Variants in OPRM1 observed in about 807,000 individuals in gnomAD.
OPRM1 encodes the protein mu-type opioid receptor.
A neutral mutation model predicts 31.8 loss-of-function variants in OPRM1; 27 were observed. The ratio of observed to expected loss-of-function variants is 0.85; its 90% CI spans 0.63 to 1.17. The LOEUF (loss-of-function observed/expected upper bound fraction) is 1.17, where lower values mean the gene tolerates loss of function less well. Among genes scored for constraint, OPRM1 ranks in the 50% most tolerant of loss-of-function variants. The pLI, the probability that OPRM1 is intolerant of heterozygous loss-of-function variation, is 0.00. For synonymous variants in OPRM1, 196 were observed against 189.9 expected (o/e 1.03, Z -0.26); for missense variants, 536 against 511.1 (o/e 1.05, Z -0.47).
chr6:154,195,410 G>T (rs1475461131), intron 3 of OPRM1, among the ~76,000 whole-genome samples: 2 of 152,038 alleles, frequency 1.3e-5, no homozygotes, highest in African/African-American at 2.4e-5. Flanking sequence ...GCCTCCCAAA[G>T]TGCTGGGATT....
At chr6:154,065,716 T>A (rs537133973) in intron 1 of OPRM1, among the ~76,000 whole-genome samples, 3 of 152,160 alleles carry the variant, frequency 2.0e-5, no homozygotes, top group African/African-American at 4.8e-5. Flanking sequence ...TGCAAACATA[T>A]TCATTTTACT....
chr6:154,114,936 T>G (rs1796712655), intron 3 of OPRM1, among the ~76,000 whole-genome samples: 1 of 151,610 alleles, frequency 6.6e-6, no homozygotes, highest in South Asian at 2.1e-4. Flanking sequence ...CAGTTGTGCA[T>G]GCATCCTTCT....
intron 3 of OPRM1, among the ~76,000 whole-genome samples, chr6:154,187,384 C>T (rs1365983716): frequency 6.6e-6 from 1 of 152,172 alleles, no homozygotes; most frequent in East Asian, 1.9e-4. Flanking sequence ...AGTGTTAGCT[C>T]TGTAGGGCTG....
rs540020815 is a variant in OPRM1, at chr6:154,180,953, G to A, written c.1165-65740G>A. Among the ~76,000 whole-genome samples the A allele has an allele frequency of 5.8e-3, 881 of 152,226 alleles. 11 individuals carry two copies. Among genetic ancestry groups the A allele is most frequent in the African/African-American group, 0.02 (851 of 41,516 alleles). ...CTAAGTGCCTGAGAAAGAAAAGACCGTGGAAGGCACTTGTCACCAAGAGAA... is the reference window on the plus strand; with the variant it reads ...CTAAGTGCCTGAGAAAGAAAAGACCATGGAAGGCACTTGTCACCAAGAGAA... On this transcript the variant is annotated intron_variant, in intron 3 of 3. Coordinates refer to the OPRM1 transcript ENST00000337049.
In OPRM1 at chr6:154,149,694, T is replaced by G. The variant is rs148335903; in HGVS notation, c.1164+58222T>G. ...ATATCTTGTCTTTAGAAATGCCACATTCTATTATTCTATTAGCAATCTCCC... is the reference window on the plus strand; with the variant it reads ...ATATCTTGTCTTTAGAAATGCCACAGTCTATTATTCTATTAGCAATCTCCC... On this transcript the variant is annotated intron_variant, in intron 3 of 3. Transcript: ENST00000337049. Among the ~76,000 whole-genome samples, 344 of 151,922 alleles carry G rather than the reference T, an allele frequency of 2.3e-3. 2 individuals carry two copies. The highest frequency in any genetic ancestry group is 8.1e-3 in the African/African-American group (334 of 41,442).
chr6:154,195,436 C>T lies in OPRM1; in HGVS notation c.1165-51257C>T, dbSNP rs570802737. On this transcript the variant is annotated intron_variant, in intron 3 of 3. Coordinates refer to the OPRM1 transcript ENST00000337049. ...TGCTGGGATTACAGGTGTGAGCCAC[C>T]GTGCCTGGCCCAGCTACAATAATTT... is the stretch of plus-strand genomic sequence containing the variant. Among the ~76,000 whole-genome samples the T allele has an allele frequency of 1.3e-4, 20 of 152,224 alleles. No homozygotes were observed. The South Asian group carries it at 4.2e-3, about 32-fold the overall frequency.
At chr6:154,177,888 C>T (rs1252565165) in intron 3 of OPRM1, among the ~76,000 whole-genome samples, 3 of 152,138 alleles carry the variant, frequency 2.0e-5, no homozygotes, top group Non-Finnish European at 4.4e-5. Context: ...TGTAACCAAC[C>T]CAAATGTCCA....
At chr6:154,077,186 T>C (rs1192936959) in intron 1 of OPRM1, among the ~76,000 whole-genome samples, 1 of 152,116 alleles carries the variant, frequency 6.6e-6, no homozygotes, top group Non-Finnish European at 1.5e-5. Context: ...CATACTCTAT[T>C]TTCCCTGCTT....
intron 3 of OPRM1, among the ~76,000 whole-genome samples, chr6:154,189,411 G>A (rs1273168622): frequency 6.6e-6 from 1 of 151,874 alleles, no homozygotes; most frequent in East Asian, 1.9e-4. Flanking sequence ...AGGCATATGT[G>A]GACCAAAATA....
chr6:154,037,759 G>A (rs1378175431), upstream of OPRM1, among the ~76,000 whole-genome samples: 3 of 152,042 alleles, frequency 2.0e-5, no homozygotes, highest in Admixed American at 6.5e-5. Flanking sequence ...CCTTTTTTAA[G>A]TAATGAGAAG....
At chr6:154,045,735 G>A (rs1196535254) in intron 1 of OPRM1, among the ~76,000 whole-genome samples, 7 of 152,288 alleles carry the variant, frequency 4.6e-5, no homozygotes, top group Middle Eastern at 3.4e-3. Context: ...CTGCCCTAGG[G>A]CTTCTCTACT....
At chr6:154,187,709 T>A (rs911293568) in intron 3 of OPRM1, among the ~76,000 whole-genome samples, 1 of 152,234 alleles carries the variant, frequency 6.6e-6, no homozygotes, top group Non-Finnish European at 1.5e-5. Flanking sequence ...TTAAGGCGAT[T>A]AGAATCTCAG....
At chr6:154,113,051 A>T (rs1483236624) in intron 3 of OPRM1, among the ~76,000 whole-genome samples, 1 of 152,218 alleles carries the variant, frequency 6.6e-6, no homozygotes, top group African/African-American at 2.4e-5. Flanking sequence ...TATTAATCCA[A>T]ACAAAACAGG....
At chr6:154,223,036 A>T in intron 3 of OPRM1, 1 of 730,588 alleles carries the variant, frequency 1.4e-6, no homozygotes, top group Non-Finnish European at 2.4e-6. Context: ...TAGGGTGCCA[A>T]CCCATAATGC....
At chr6:154,228,947 C>T (rs988996235) in intron 3 of OPRM1, among the ~76,000 whole-genome samples, 1 of 152,198 alleles carries the variant, frequency 6.6e-6, no homozygotes, top group African/African-American at 2.4e-5. Flanking sequence ...GGCAGGTTGC[C>T]TCCTGCTCCC....
upstream of OPRM1, among the ~76,000 whole-genome samples, chr6:154,035,214 T>A (rs529436830): frequency 3.7e-4 from 57 of 152,270 alleles, 1 homozygote; most frequent in South Asian, 0.011. Flanking sequence ...GCTTTTTTTT[T>A]AATCAAAAGT....
intron 1 of OPRM1, among the ~76,000 whole-genome samples, chr6:154,044,271 C>CAT (rs761999693): frequency 2.6e-5 from 4 of 151,770 alleles, no homozygotes; most frequent in Admixed American, 1.3e-4. Context: ...TATGGAAACA[C>CAT]ATATATATAT....
Position 154,131,642 on chromosome 6 carries a change from G to C in OPRM1, c.*12921G>C, listed in dbSNP as rs1450725115. On this transcript the variant is annotated 3_prime_UTR_variant, in exon 4 of 4. Transcript: ENST00000330432. ...CAACTGGTCATATTAAAATAAAAAA[G>C]TATAGAATAGTTTCTGTTTTACGGA... 6.6e-6 allele frequency among the ~76,000 whole-genome samples: 1 copy of C among 152,138 alleles called. No individual in the cohort carries two copies.
chr6:154,094,975 G>A (rs1436641288), intron 3 of OPRM1, among the ~76,000 whole-genome samples: 1 of 152,170 alleles, frequency 6.6e-6, no homozygotes, highest in Non-Finnish European at 1.5e-5. Context: ...GCTCTCCCAA[G>A]CCAGAGTCTA....
Sources: gnomAD v4.1 joint callset for allele counts (sites outside exome capture counted in the v4.1 genomes callset) on GRCh38, gnomAD v4.1.1 for gene constraint, MANE v1.5 for transcripts, NCBI Gene and HGNC (gene_info 2026-07-23, HGNC 2026-07-21) for gene names.